The following RHOU variants were observed in gnomAD, a reference collection of about 807,000 sequenced individuals.
RHOU encodes rho-related GTP-binding protein RhoU.
RHOU carries 8 observed loss-of-function variants against 12.6 expected under a neutral mutation model. That is an observed-to-expected ratio of 0.64 (90% CI 0.37 to 1.15). The LOEUF is 1.15. Ranked by LOEUF, RHOU falls within the 50% of genes most tolerant of loss-of-function variation. The pLI, the probability that RHOU is intolerant of heterozygous loss-of-function variation, is 0.01. For missense variants in RHOU, 258 were observed against 347.0 expected (o/e 0.74, Z 2.04); for synonymous variants, 161 against 147.4 (o/e 1.09, Z -0.67).
chr1:228,699,718 G>A, the RHOU span, among the ~76,000 whole-genome samples: 1 of 150,802 alleles, frequency 6.6e-6, no homozygotes, highest in East Asian at 1.9e-4. Flanking sequence ...CGTGTCTAGT[G>A]AAACAAGTAC....
rs528133607 is a variant in RHOU, at chr1:228,742,989, G to A, written c.322-296G>A. On this transcript the variant is annotated intron_variant, in intron 2 of 2. Coordinates refer to ENST00000366691, the MANE Select transcript of RHOU (RefSeq NM_021205.6). ...TATTTCTAGAACCCACCTACTTTGA[G>A]CACTTTTTCTATGTTAAGCTGTAAG... Among the ~76,000 whole-genome samples the A allele has an allele frequency of 3.9e-5, 6 of 152,294 alleles. No individual in the cohort carries two copies. The South Asian group carries it at 1.2e-3, about 32-fold the overall frequency.
chr1:228,741,032 C>A (rs1266091202), intron 2 of RHOU, among the ~76,000 whole-genome samples: 1 of 151,748 alleles, frequency 6.6e-6, no homozygotes, highest in Non-Finnish European at 1.5e-5. Flanking sequence ...GGAGAGTTGC[C>A]AATAGAAGCT....
the RHOU span, chr1:228,650,505 C>G: frequency 1.1e-5 from 5 of 456,674 alleles, no homozygotes; most frequent in South Asian, 7.7e-5. Flanking sequence ...TGGTGCTGAA[C>G]TAGGGGAGCT....
At chr1:228,723,807 A>C in the RHOU span, among the ~76,000 whole-genome samples, 1 of 152,104 alleles carries the variant, frequency 6.6e-6, no homozygotes, top group Non-Finnish European at 1.5e-5. Context: ...GTTGACCTAC[A>C]TGTATTTTTG....
the RHOU span, chr1:228,687,746 C>A: frequency 7.0e-7 from 1 of 1,423,630 alleles, no homozygotes; most frequent in Non-Finnish European, 9.8e-7. Context: ...CCAACTTGTG[C>A]AAGATGGGAG....
the RHOU span, among the ~76,000 whole-genome samples, chr1:228,717,440 T>C: frequency 6.6e-6 from 1 of 152,220 alleles, no homozygotes; most frequent in Non-Finnish European, 1.5e-5. Context: ...CACTTTAGTG[T>C]AAACATTCTC....
the RHOU span, among the ~76,000 whole-genome samples, chr1:228,726,604 G>T: frequency 6.6e-6 from 1 of 151,266 alleles, no homozygotes; most frequent in African/African-American, 2.4e-5. Context: ...GCCAGAGGTT[G>T]CAGTGAGCTG....
At chr1:228,717,540 A>T in the RHOU span, among the ~76,000 whole-genome samples, 1 of 152,212 alleles carries the variant, frequency 6.6e-6, no homozygotes, top group South Asian at 2.1e-4. Flanking sequence ...GATAGGTAGG[A>T]TGGGGAGGAG....
the RHOU span, among the ~76,000 whole-genome samples, chr1:228,703,538 A>G: frequency 6.6e-6 from 1 of 151,296 alleles, no homozygotes; most frequent in Admixed American, 6.6e-5. Context: ...AAAAAAAAAA[A>G]GTGTTTTAAG....
chr1:228,656,514 A>T, the RHOU span, among the ~76,000 whole-genome samples: 2 of 152,216 alleles, frequency 1.3e-5, no homozygotes, highest in African/African-American at 4.8e-5. Flanking sequence ...CCCATAATAC[A>T]TAAACATGTA....
the RHOU span, among the ~76,000 whole-genome samples, chr1:228,666,639 C>A: frequency 1.7e-3 from 261 of 152,184 alleles, 3 homozygotes; most frequent in South Asian, 3.5e-3. Flanking sequence ...GGTGTGGCAG[C>A]CCCTGTTTGG....
At chr1:228,666,999 G>A in the RHOU span, among the ~76,000 whole-genome samples, 1 of 152,122 alleles carries the variant, frequency 6.6e-6, no homozygotes, top group Non-Finnish European at 1.5e-5. Flanking sequence ...TCACTTGTCT[G>A]TTATTATTAT....
At chr1:228,687,610 A>C in the RHOU span, 18 of 1,568,542 alleles carry the variant, frequency 1.1e-5, no homozygotes, top group Admixed American at 1.3e-4. Flanking sequence ...AAAAGTGTGA[A>C]TCAGTCACTA....
chr1:228,712,247 T>C, the RHOU span, among the ~76,000 whole-genome samples: 2 of 150,686 alleles, frequency 1.3e-5, no homozygotes, highest in Admixed American at 6.6e-5. Flanking sequence ...TGGAAGTCAG[T>C]GTGGCGATTC....
At chr1:228,699,119 A>G in the RHOU span, among the ~76,000 whole-genome samples, 2 of 150,804 alleles carry the variant, frequency 1.3e-5, no homozygotes, top group African/African-American at 4.9e-5. Context: ...TGGTGAAAAT[A>G]TACTCTGGCA....
rs190078813 is a variant in RHOU, at chr1:228,743,281, G to A, written c.322-4G>A. The A allele has an allele frequency of 2.8e-4, 457 of 1,610,476 alleles. 1 individual carries two copies. The African/African-American group carries it at 5.5e-3, about 20-fold the overall frequency. Reference sequence around the variant, plus strand: ...TAACTTTTGGGTACTTTGCTTGGTTGCAGGATGAATTTGACAAGCTGAGGC... The same window carrying A: ...TAACTTTTGGGTACTTTGCTTGGTTACAGGATGAATTTGACAAGCTGAGGC... On this transcript the variant is annotated splice_polypyrimidine_tract_variant and splice_region_variant and intron_variant, in intron 2 of 2. Transcript: ENST00000366691. The surrounding 1 kb of genome is among the most constrained non-coding windows in gnomAD (Gnocchi z 5.1).
Position 228,737,089 on chromosome 1 carries a change from TC to T in RHOU, c.263-581del, listed in dbSNP as rs754075531. Among the ~76,000 whole-genome samples the T allele has an allele frequency of 8.5e-5, 13 of 152,210 alleles. No homozygotes were observed. Among genetic ancestry groups the T allele is most frequent in the Non-Finnish European group, 1.8e-4 (12 of 68,040 alleles). On this transcript the variant is annotated intron_variant, in intron 1 of 2. Coordinates refer to ENST00000366691, the MANE Select transcript of RHOU (RefSeq NM_021205.6). This position sits in a 1 kb window ranked among gnomAD's most constrained non-coding sequence, Gnocchi z 4.1. ...TCTCCACACTCCCCGAGTCCCCGGA[TC>T]CCAGTGGAAAGGGGGCCATGGCTTT...
chr1:228,704,561 G>A, the RHOU span, among the ~76,000 whole-genome samples: 4 of 151,756 alleles, frequency 2.6e-5, no homozygotes, highest in Non-Finnish European at 4.4e-5. Flanking sequence ...GGGTTCAAGC[G>A]ATCCTCCTGC....
chr1:228,665,316 G>A, the RHOU span, among the ~76,000 whole-genome samples: 8 of 152,304 alleles, frequency 5.3e-5, 1 homozygote, highest in African/African-American at 1.9e-4. Context: ...CCAAGATAAA[G>A]AGGTGAAGGT....
Sources: allele counts gnomAD v4.1 joint callset (sites outside exome capture counted in the v4.1 genomes callset), GRCh38; gene constraint gnomAD v4.1.1; non-coding constraint Gnocchi (gnomAD v3.1); transcripts MANE v1.5; gene names NCBI Gene and HGNC (gene_info 2026-07-23, HGNC 2026-07-21).